The following RAP1B variants were observed in gnomAD, a reference collection of about 807,000 sequenced individuals.
RAP1B encodes ras-related protein Rap-1b.
A neutral mutation model predicts 27.5 loss-of-function variants in RAP1B; 1 was observed. The ratio of observed to expected loss-of-function variants is 0.04; its 90% CI spans 0.01 to 0.17. The LOEUF is 0.17. Ranked by LOEUF, RAP1B falls within the 10% of genes least tolerant of loss-of-function variation. RAP1B has a pLI of 1.00. For missense variants in RAP1B, 84 were observed against 214.8 expected (o/e 0.39, Z 3.81); for synonymous variants, 75 against 73.1 (o/e 1.03, Z -0.13).
Position 68,633,902 on chromosome 12 carries a change from G to C in RAP1B, c.-26-14797G>C, listed in dbSNP as rs190418666. 3.6e-3 allele frequency among the ~76,000 whole-genome samples: 550 copies of C among 152,120 alleles called. 4 individuals carry two copies. The highest frequency in any genetic ancestry group is 5.3e-3 in the Non-Finnish European group (357 of 67,980). ...CAAAAAAACTTAACATCTCTAATCT[G>C]GTCATTGAAATTGAGGTGTAAAGCA... On this transcript the variant is annotated intron_variant, in intron 1 of 7. Transcript: ENST00000250559.
At chr12:68,654,323 A>C in intron 5 of RAP1B, 71 bp downstream of exon 5, 2 of 550,088 alleles carry the variant, frequency 3.6e-6, no homozygotes, top group Non-Finnish European at 5.1e-6. Flanking sequence ...CTAAATTTAA[A>C]TTCATTTTAA....
chr12:68,634,838 A>G (rs1219785365), intron 1 of RAP1B, among the ~76,000 whole-genome samples: 2 of 152,224 alleles, frequency 1.3e-5, no homozygotes, highest in Non-Finnish European at 2.9e-5. Context: ...TATGTTGTTG[A>G]ATATTTCAGG....
chr12:68,634,458 A>T (rs538494266), intron 1 of RAP1B, among the ~76,000 whole-genome samples: 60 of 152,322 alleles, frequency 3.9e-4, no homozygotes, highest in Middle Eastern at 3.4e-3. Context: ...TTCAGATGAC[A>T]GGGAAAAAAG....
At chr12:68,632,137 T>A (rs552689640) in intron 1 of RAP1B, among the ~76,000 whole-genome samples, 1 of 134,372 alleles carries the variant, frequency 7.4e-6, no homozygotes, top group Non-Finnish European at 1.5e-5. Context: ...TTGTTTTTTT[T>A]TTTTTTTTGT....
chr12:68,615,746 T>C (rs1439377236), intron 1 of RAP1B, among the ~76,000 whole-genome samples: 5 of 152,184 alleles, frequency 3.3e-5, no homozygotes, highest in African/African-American at 9.7e-5. Context: ...GTAATTACTT[T>C]TACTTTATGT....
At position 68,653,452 on chromosome 12, in the gene RAP1B, A is replaced by G. The variant is rs142965719; in HGVS notation, c.184-660A>G. On this transcript the variant is annotated intron_variant, in intron 4 of 7. Transcript: ENST00000250559. Reference sequence around the variant, plus strand: ...GTCTAGATCATGCTGATGGAGCCCTACAGAACTACAGCATTTGAGTCATAG... The same window carrying G: ...GTCTAGATCATGCTGATGGAGCCCTGCAGAACTACAGCATTTGAGTCATAG... Among the ~76,000 whole-genome samples the G allele has an allele frequency of 1.5e-3, 226 of 150,394 alleles. 2 individuals carry two copies. The highest frequency in any genetic ancestry group is 5.1e-3 in the African/African-American group (210 of 41,272).
intron 4 of RAP1B, among the ~76,000 whole-genome samples, chr12:68,653,661 G>A (rs1407745919): frequency 1.3e-5 from 2 of 152,092 alleles, no homozygotes; most frequent in Non-Finnish European, 2.9e-5. Context: ...GGGCGTGGTA[G>A]TTCACGCCTG....
chr12:68,662,221 CTT>C lies in RAP1B; in HGVS notation c.*2975_*2976del, dbSNP rs1874639274. ...TGGGAGCACAACTCATGTAGATTGA[CTT>C]TTCTGGTGCTTAATGGGAAAATACT... On this transcript the variant is annotated 3_prime_UTR_variant, in exon 8 of 8. Coordinates refer to ENST00000250559, the MANE Select transcript of RAP1B (RefSeq NM_001010942.3). The C allele has an allele frequency of 6.6e-6, 1 of 151,514 alleles. No individual in the cohort carries two copies. Among genetic ancestry groups the C allele is most frequent in the African/African-American group, 2.4e-5 (1 of 41,284 alleles). 9.4% of individuals were successfully genotyped at this position (151,514 alleles called of 1,614,324 possible).
intron 7 of RAP1B, among the ~76,000 whole-genome samples, chr12:68,658,197 T>A (rs1194912901): frequency 6.6e-6 from 1 of 152,258 alleles, no homozygotes; most frequent in Non-Finnish European, 1.5e-5. Flanking sequence ...AGTGCTGCCA[T>A]AGCACTTTGA....
At chr12:68,657,768 A>ACACACACACC (rs1474604534) in intron 7 of RAP1B, 1 of 125,922 alleles carries the variant, frequency 7.9e-6, no homozygotes, top group African/African-American at 3.1e-5. Flanking sequence ...ACACACACAC[A>ACACACACACC]CACACGTGCG....
In RAP1B at chr12:68,656,732, G is replaced by A. The variant is rs571452638; in HGVS notation, c.468+283G>A. On this transcript the variant is annotated intron_variant, in intron 6 of 7. Transcript: ENST00000250559. ...TTAAGACTTCAGGTATATGAAGGAT[G>A]TTATATGAAAAATAGAGTAAAATTC... 25 of 531,912 alleles carry A rather than the reference G, an allele frequency of 4.7e-5. 1 individual carries two copies. In the South Asian group the frequency reaches 6.4e-4, roughly 14 times the overall value. 32.9% of individuals were successfully genotyped at this position (531,912 alleles called of 1,614,324 possible). A position where few individuals can be genotyped will look rare whatever the true frequency, so the allele number is the denominator to read the frequency against.
intron 1 of RAP1B, among the ~76,000 whole-genome samples, chr12:68,639,092 A>G (rs537576226): frequency 9.8e-5 from 15 of 152,354 alleles, no homozygotes; most frequent in African/African-American, 2.9e-4. Context: ...CTGCTGGACC[A>G]GGGTTCAGAG....
intron 1 of RAP1B, chr12:68,624,427 C>G (rs1871604348): frequency 6.6e-6 from 1 of 151,998 alleles, no homozygotes; most frequent in Non-Finnish European, 1.5e-5. Flanking sequence ...TTATTTGATA[C>G]ATTTAATTGT....
chr12:68,635,464 G>T (rs1872563498), intron 1 of RAP1B, among the ~76,000 whole-genome samples: 1 of 152,006 alleles, frequency 6.6e-6, no homozygotes, highest in Non-Finnish European at 1.5e-5. Flanking sequence ...AGTATTTAAG[G>T]CCTCTTTTTT....
chr12:68,612,251 GCTCT>G (rs767741427), intron 1 of RAP1B, among the ~76,000 whole-genome samples: 1 of 152,236 alleles, frequency 6.6e-6, no homozygotes, highest in East Asian at 1.9e-4. Context: ...TTATTTTTCA[GCTCT>G]CTTTTTTCGT....
chr12:68,668,160 C>T lies in RAP1B; in HGVS notation c.*8911C>T, dbSNP rs545173004. On this transcript the variant is annotated 3_prime_UTR_variant, in exon 8 of 8. Transcript: ENST00000250559. ...AATGACTTGGTTGCCCTAGGCCCCCCGTCAAGGCTTTTGTTCAAGGGAGAG... is the reference window on the plus strand; with the variant it reads ...AATGACTTGGTTGCCCTAGGCCCCCTGTCAAGGCTTTTGTTCAAGGGAGAG... The T allele has an allele frequency of 1.3e-5, 2 of 152,188 alleles. No homozygotes were observed. Among genetic ancestry groups the T allele is most frequent in the Admixed American group, 6.5e-5 (1 of 15,272 alleles). The allele number at this position is 152,188 out of a possible 1,614,324, so 9.4% of individuals were successfully genotyped here.
intron 1 of RAP1B, chr12:68,642,870 A>T: frequency 1.0e-6 from 1 of 992,920 alleles, no homozygotes; most frequent in South Asian, 1.3e-5. Flanking sequence ...AAAGCAGCCA[A>T]CCTGGAGGTG....
rs1443659680 is a variant in RAP1B, at chr12:68,664,887, T to C, written c.*5638T>C. On this transcript the variant is annotated 3_prime_UTR_variant, in exon 8 of 8. Coordinates refer to ENST00000250559, the MANE Select transcript of RAP1B (RefSeq NM_001010942.3). ...ATAAAAATTGTTATTTTGTAAAATA[T>C]ATGGACTGTTTGCTTTATATTCCCA... The C allele has an allele frequency of 6.6e-6, 1 of 152,220 alleles. No individual in the cohort carries two copies. Among genetic ancestry groups the C allele is most frequent in the Non-Finnish European group, 1.5e-5 (1 of 68,032 alleles). The allele number at this position is 152,220 out of a possible 1,614,324, so 9.4% of individuals were successfully genotyped here.
At chr12:68,622,386 A>C (rs903255267) in intron 1 of RAP1B, among the ~76,000 whole-genome samples, 18 of 152,334 alleles carry the variant, frequency 1.2e-4, no homozygotes, top group Non-Finnish European at 2.4e-4. Flanking sequence ...CTCCGGTCCC[A>C]ATTTACCCTT....
Sources: allele counts gnomAD v4.1 joint callset (sites outside exome capture counted in the v4.1 genomes callset), GRCh38; gene constraint gnomAD v4.1.1; transcripts MANE v1.5; gene names NCBI Gene and HGNC (gene_info 2026-07-23, HGNC 2026-07-21).